BTG4: variants seen among roughly 807,000 people sequenced by gnomAD.
BTG4 encodes the protein protein BTG4.
BTG4 carries 10 observed loss-of-function variants against 19.3 expected under a neutral mutation model. The observed-to-expected ratio is 0.52, with a 90% CI of 0.32 to 0.88. The LOEUF (loss-of-function observed/expected upper bound fraction) is 0.88, where lower values mean the gene tolerates loss of function less well. Ranked by LOEUF, BTG4 falls within the 40% of genes least tolerant of loss-of-function variation. BTG4 has a pLI of 0.04. For missense variants in BTG4, 238 were observed against 281.9 expected (o/e 0.84, Z 1.11); for synonymous variants, 91 against 95.7 (o/e 0.95, Z 0.29).
At chr11:111,420,225 G>A in the BTG4 span, among the ~76,000 whole-genome samples, 13 of 152,192 alleles carry the variant, frequency 8.5e-5, no homozygotes, top group Non-Finnish European at 1.6e-4. Context: ...GCTTGTCCAG[G>A]AGATATTAAA....
chr11:111,388,930 C>T, the BTG4 span, among the ~76,000 whole-genome samples: 3 of 152,218 alleles, frequency 2.0e-5, no homozygotes, highest in African/African-American at 7.2e-5. Context: ...CAGGAACCTC[C>T]TCCTCTTCCT....
At chr11:111,454,002 A>G in the BTG4 span, among the ~76,000 whole-genome samples, 1 of 152,220 alleles carries the variant, frequency 6.6e-6, no homozygotes, top group Non-Finnish European at 1.5e-5. Context: ...TAATGTAGAT[A>G]TGAATTTCCT....
intron 1 of BTG4, among the ~76,000 whole-genome samples, chr11:111,506,973 C>T (rs756306780): frequency 3.3e-4 from 50 of 151,454 alleles, no homozygotes; most frequent in Non-Finnish European, 3.5e-4. Flanking sequence ...TAAATGTAAG[C>T]ATGATGAAAT....
Position 111,498,136 on chromosome 11 carries a change from C to T in BTG4, c.174-1G>A. The T allele has an allele frequency of 6.2e-7, 1 of 1,613,714 alleles. No homozygotes were observed. The highest frequency in any genetic ancestry group is 8.5e-7 in the Non-Finnish European group (1 of 1,179,886). On this transcript the variant is annotated splice_acceptor_variant, in intron 2 of 4. Coordinates refer to ENST00000692032, the MANE Select transcript of BTG4 (RefSeq NM_001367975.1). LOFTEE classifies it high-confidence loss of function. ...CTGATTGTTGTTTATCCTGATGCAC[C>T]TTTTTAAAAAGCGAAGGGAAACGAA...
chr11:111,404,652 C>T, the BTG4 span: 2 of 456,096 alleles, frequency 4.4e-6, no homozygotes, highest in Non-Finnish European at 4.4e-6. Context: ...TAGGAAAATA[C>T]AAAAACACAT....
At chr11:111,479,198 G>A (rs1396025721) in intron 5 of BTG4, among the ~76,000 whole-genome samples, 1 of 152,128 alleles carries the variant, frequency 6.6e-6, no homozygotes, top group Non-Finnish European at 1.5e-5. Context: ...AAGCCAGGAA[G>A]AAGTGGCACA....
In BTG4 at chr11:111,498,806, A is replaced by G; in HGVS notation, c.-26-4T>C. On this transcript the variant is annotated splice_region_variant and splice_polypyrimidine_tract_variant and intron_variant, in intron 1 of 4. Coordinates refer to ENST00000692032, the MANE Select transcript of BTG4 (RefSeq NM_001367975.1). ...CAAGAAAAATAGATAAGGAGGTCTGAATCATTAAAAGGAAGCAAGAAGAAA... is the reference window on the plus strand; with the variant it reads ...CAAGAAAAATAGATAAGGAGGTCTGGATCATTAAAAGGAAGCAAGAAGAAA... The G allele has an allele frequency of 6.4e-7, 1 of 1,555,166 alleles. No homozygotes were observed. The highest frequency in any genetic ancestry group is 8.7e-7 in the Non-Finnish European group (1 of 1,146,902).
At chr11:111,447,184 A>G in the BTG4 span, among the ~76,000 whole-genome samples, 7 of 152,132 alleles carry the variant, frequency 4.6e-5, no homozygotes, top group African/African-American at 1.4e-4. Flanking sequence ...TCTCTCCACC[A>G]CCTGCTGAAT....
the BTG4 span, chr11:111,451,312 C>G: frequency 7.1e-6 from 3 of 421,892 alleles, no homozygotes; most frequent in Middle Eastern, 3.4e-4. Flanking sequence ...GCTGAGGAGT[C>G]CCAGCTCTAT....
intron 5 of BTG4, among the ~76,000 whole-genome samples, chr11:111,482,464 T>G (rs1193519423): frequency 6.6e-6 from 1 of 152,032 alleles, no homozygotes; most frequent in Non-Finnish European, 1.5e-5. Context: ...CATTCCAAAA[T>G]GTACATGGAA....
the BTG4 span, among the ~76,000 whole-genome samples, chr11:111,412,111 G>A: frequency 6.6e-6 from 1 of 152,202 alleles, no homozygotes; most frequent in Non-Finnish European, 1.5e-5. Flanking sequence ...AGGCCCAAGA[G>A]TCCAGGGCTA....
the BTG4 span, among the ~76,000 whole-genome samples, chr11:111,436,871 G>A: frequency 6.6e-6 from 1 of 152,132 alleles, no homozygotes; most frequent in African/African-American, 2.4e-5. Context: ...CTCGCGTGTG[G>A]GTGTTTGTTG....
At chr11:111,387,165 T>C in the BTG4 span, among the ~76,000 whole-genome samples, 2 of 152,228 alleles carry the variant, frequency 1.3e-5, no homozygotes. Context: ...ATCTTTGCTC[T>C]CAAAATTCAT....
upstream of BTG4, chr11:111,514,524 C>A (rs1029754906): frequency 6.9e-5 from 36 of 520,324 alleles, no homozygotes; most frequent in Middle Eastern, 2.1e-3. Flanking sequence ...CTAAACTACT[C>A]CCCCACTGAC....
downstream of BTG4, among the ~76,000 whole-genome samples, chr11:111,465,306 G>A (rs1343768693): frequency 6.6e-6 from 1 of 152,076 alleles, no homozygotes; most frequent in East Asian, 1.9e-4. Context: ...TGCAAACTAT[G>A]GCCCACTCCA....
At chr11:111,487,134 C>T (rs1225812609) in intron 5 of BTG4, among the ~76,000 whole-genome samples, 1 of 152,124 alleles carries the variant, frequency 6.6e-6, no homozygotes, top group Non-Finnish European at 1.5e-5. Flanking sequence ...CTATCCATGT[C>T]CCTGGAAAAA....
the BTG4 span, among the ~76,000 whole-genome samples, chr11:111,410,992 A>T: frequency 2.0e-5 from 3 of 152,136 alleles, no homozygotes; most frequent in African/African-American, 7.2e-5. Context: ...ATCTCCGCCG[A>T]CATTACCACA....
chr11:111,393,113 T>C, the BTG4 span, among the ~76,000 whole-genome samples: 1 of 152,172 alleles, frequency 6.6e-6, no homozygotes. Context: ...GTGCAAAGAT[T>C]GCTAGGAGGG....
At chr11:111,483,089 G>A (rs1349725358) in intron 5 of BTG4, among the ~76,000 whole-genome samples, 2 of 152,044 alleles carry the variant, frequency 1.3e-5, no homozygotes, top group East Asian at 1.9e-4. Flanking sequence ...AAGCACCTTC[G>A]CAAGAACCAA....
Sources: allele counts gnomAD v4.1 joint callset (sites outside exome capture counted in the v4.1 genomes callset), GRCh38; gene constraint gnomAD v4.1.1; transcripts MANE v1.5; gene names NCBI Gene and HGNC (gene_info 2026-07-23, HGNC 2026-07-21).